ERI1: variants seen among roughly 807,000 people sequenced by gnomAD.
ERI1 encodes the protein 3'-5' exoribonuclease 1.
Under a neutral mutation model 39.7 loss-of-function variants are expected in ERI1, and 39 were observed. The observed-to-expected ratio is 0.98, with a 90% CI of 0.76 to 1.28. The LOEUF is 1.28. ERI1 is among the 50% of genes most tolerant of loss of function. ERI1 has a pLI of 0.00. For synonymous variants in ERI1, 204 were observed against 149.6 expected, an observed-to-expected ratio of 1.36 and a Z score of -2.65; for missense variants, 581 against 416.9, an observed-to-expected ratio of 1.39 and a Z score of -3.43.
chr8:9,088,137 T>A (rs549642698), intron 3 of ERI1, among the ~76,000 whole-genome samples: 9 of 152,166 alleles, frequency 5.9e-5, no homozygotes, highest in Admixed American at 3.9e-4. Context: ...ATCAGCAGGG[T>A]TGAGGTCAGT....
intron 3 of ERI1, among the ~76,000 whole-genome samples, chr8:9,090,657 G>A (rs565201162): frequency 3.9e-5 from 6 of 152,222 alleles, no homozygotes; most frequent in Admixed American, 1.3e-4. Context: ...CTCTCTCTGG[G>A]GTCCTCCTCT....
chr8:9,034,740 A>G (rs1330887985), downstream of ERI1, among the ~76,000 whole-genome samples: 1 of 152,212 alleles, frequency 6.6e-6, no homozygotes, highest in African/African-American at 2.4e-5. Flanking sequence ...CATGTCTTCC[A>G]CTTTAAATCA....
chr8:9,045,280 T>G (rs1441325828), intron 3 of ERI1, among the ~76,000 whole-genome samples: 1 of 148,088 alleles, frequency 6.8e-6, no homozygotes, highest in African/African-American at 2.5e-5. Context: ...CGTTCAGCCC[T>G]AAGCTGGCTT....
rs1798617443 is a variant in ERI1, at chr8:9,059,388, G to T, written n.299+38924G>T. 2.0e-5 allele frequency among the ~76,000 whole-genome samples: 3 copies of T among 152,020 alleles called. No individual in the cohort carries two copies. The South Asian group carries it at 6.2e-4, about 32-fold the overall frequency. ...GTGTTGGGGTGGCGAAAATTTTTGG[G>T]GGTGGTTTGGAGAGATAACGGGCGA... is the stretch of plus-strand genomic sequence containing the variant. On this transcript the variant is annotated intron_variant and non_coding_transcript_variant, in intron 3 of 3. Coordinates refer to the ERI1 transcript ENST00000518663.
intron 3 of ERI1, among the ~76,000 whole-genome samples, chr8:9,069,796 G>A (rs1275173602): frequency 6.6e-6 from 1 of 152,070 alleles, no homozygotes; most frequent in African/African-American, 2.4e-5. Flanking sequence ...GGCAACAGGA[G>A]GAATTATAGA....
chr8:9,011,578 CTAT>C lies in ERI1; in HGVS notation c.328_330del (p.Tyr110del). ...ATGTTCTAAAGAAGAGACTGAAAAA[CTAT>C]TATAAGAAGCAGAAGCTGATGCTGA... is the stretch of plus-strand genomic sequence containing the variant. On this transcript the variant is annotated inframe_deletion, in exon 3 of 7. Transcript: ENST00000250263. 1.2e-6 allele frequency: 2 copies of C among 1,612,048 alleles called. No homozygotes were observed. Among genetic ancestry groups the C allele is most frequent in the Non-Finnish European group, 1.7e-6 (2 of 1,178,942 alleles).
Sources: allele counts gnomAD v4.1 joint callset (sites outside exome capture counted in the v4.1 genomes callset), GRCh38; gene constraint gnomAD v4.1.1; transcripts MANE v1.5; gene names NCBI Gene and HGNC (gene_info 2026-07-23, HGNC 2026-07-21).